Variants in TBCE observed in about 807,000 individuals in gnomAD.
TBCE encodes the protein tubulin folding cofactor E.
In TBCE, 53 loss-of-function variants were observed where a neutral mutation model predicts 77.0. The ratio of observed to expected loss-of-function variants is 0.69; its 90% CI spans 0.55 to 0.87. The LOEUF (loss-of-function observed/expected upper bound fraction) is 0.87, where lower values mean the gene tolerates loss of function less well. TBCE is among the 40% of genes least tolerant of loss of function. TBCE has a pLI of 0.00. For synonymous variants in TBCE, 235 were observed against 241.3 expected (o/e 0.97, Z 0.24); for missense variants, 624 against 622.4 (o/e 1.00, Z -0.03).
chr1:235,371,883 G>A (rs1244393024), intron 1 of TBCE, among the ~76,000 whole-genome samples: 1 of 151,922 alleles, frequency 6.6e-6, no homozygotes, highest in Non-Finnish European at 1.5e-5. Context: ...CATGTTGGCC[G>A]GGCTGGTCTC....
intron 2 of TBCE, among the ~76,000 whole-genome samples, chr1:235,382,450 A>G (rs1336138998): frequency 7.2e-5 from 11 of 152,056 alleles, no homozygotes; most frequent in South Asian, 2.1e-4. Flanking sequence ...AAGTGTTCCT[A>G]TTTCTCCACA....
intron 2 of TBCE, among the ~76,000 whole-genome samples, chr1:235,380,526 A>G (rs1375293954): frequency 6.6e-6 from 1 of 152,138 alleles, no homozygotes; most frequent in Non-Finnish European, 1.5e-5. Context: ...GGTATCTAAT[A>G]TAGTTTAAAC....
intron 3 of TBCE, among the ~76,000 whole-genome samples, chr1:235,404,106 A>G (rs772565680): frequency 6.6e-6 from 1 of 152,082 alleles, no homozygotes; most frequent in Non-Finnish European, 1.5e-5. Context: ...ATGAAACCCT[A>G]TCTCTACTAA....
chr1:235,450,375 G>C lies in TBCE; in HGVS notation c.*1613G>C, dbSNP rs1232271406. 1.2e-6 allele frequency: 2 copies of C among 1,609,480 alleles called. No individual in the cohort carries two copies. The highest frequency in any genetic ancestry group is 2.2e-5 in the South Asian group (2 of 90,946). ...AACAACCAAAGCCGATCTGAGAGTGGTGAAACTGTTTTAAGAGCATCAGAA... is the reference window on the plus strand; with the variant it reads ...AACAACCAAAGCCGATCTGAGAGTGCTGAAACTGTTTTAAGAGCATCAGAA... On this transcript the variant is annotated 3_prime_UTR_variant, in exon 17 of 17. Transcript: ENST00000642610.
At chr1:235,445,053 C>A (rs1682152401) in intron 15 of TBCE, among the ~76,000 whole-genome samples, 1 of 152,216 alleles carries the variant, frequency 6.6e-6, no homozygotes, top group Non-Finnish European at 1.5e-5. Context: ...TGCATTCATG[C>A]TGTTTTTATT....
At chr1:235,417,393 G>A (rs968494496) in intron 4 of TBCE, among the ~76,000 whole-genome samples, 1 of 152,188 alleles carries the variant, frequency 6.6e-6, no homozygotes, top group Non-Finnish European at 1.5e-5. Context: ...TGGCTTTTGG[G>A]CAATTGCCGC....
chr1:235,448,284 A>C, intron 15 of TBCE, 65 bp from the exon 16 acceptor site: 8 of 1,344,822 alleles, frequency 5.9e-6, no homozygotes, highest in Non-Finnish European at 8.5e-6. Context: ...GTCTCATCAC[A>C]TGAGCTAGTT....
At chr1:235,409,009 CTTTTT>C (rs10565716) in intron 3 of TBCE, among the ~76,000 whole-genome samples, 2 of 138,622 alleles carry the variant, frequency 1.4e-5, no homozygotes, top group Admixed American at 7.3e-5. Context: ...AACAGCCAAT[CTTTTT>C]TTTTTTTTTT....
rs1682900478 is a variant in TBCE, at chr1:235,451,517, T to A, written c.*2755T>A. On this transcript the variant is annotated 3_prime_UTR_variant, in exon 17 of 17. Coordinates refer to ENST00000642610, the MANE Select transcript of TBCE (RefSeq NM_003193.5). ...AGACCGCATCAGAAAACAAGCGCCATGAACAACAGTTGTAGAAACAACAAA... is the reference window on the plus strand; with the variant it reads ...AGACCGCATCAGAAAACAAGCGCCAAGAACAACAGTTGTAGAAACAACAAA... The A allele has an allele frequency of 7.3e-6, 1 of 137,538 alleles. No homozygotes were observed. The allele number at this position is 137,538 out of a possible 1,614,324, so 8.5% of individuals were successfully genotyped here.
intron 9 of TBCE, 28 bp downstream of exon 9, chr1:235,435,868 A>G (rs777758117): frequency 2.0e-5 from 32 of 1,577,618 alleles, no homozygotes; most frequent in Non-Finnish European, 2.6e-5. Context: ...GCCTGATACA[A>G]TAGTGTTCAG....
At chr1:235,431,655 C>T (rs1681095829) in intron 7 of TBCE, among the ~76,000 whole-genome samples, 1 of 151,816 alleles carries the variant, frequency 6.6e-6, no homozygotes, top group African/African-American at 2.4e-5. Context: ...GCCACCGTGC[C>T]CAGCCCACTT....
chr1:235,384,998 G>A (rs1677904258), intron 2 of TBCE, among the ~76,000 whole-genome samples: 2 of 152,076 alleles, frequency 1.3e-5, no homozygotes, highest in African/African-American at 4.8e-5. Flanking sequence ...TGTTGTCCCA[G>A]AGATTCTGGT....
At chr1:235,388,409 C>T (rs1184995409) in intron 2 of TBCE, among the ~76,000 whole-genome samples, 2 of 151,688 alleles carry the variant, frequency 1.3e-5, no homozygotes, top group Non-Finnish European at 2.9e-5. Flanking sequence ...CTGCCTCAGC[C>T]TCCCGAGTAG....
chr1:235,436,104 A>C, intron 9 of TBCE: 1 of 602,398 alleles, frequency 1.7e-6, no homozygotes, highest in South Asian at 2.0e-5. Flanking sequence ...GTCTTCATTC[A>C]TTAAACTCCG....
intron 1 of TBCE, among the ~76,000 whole-genome samples, chr1:235,376,955 C>T (rs768706905): frequency 6.6e-6 from 1 of 151,908 alleles, no homozygotes; most frequent in Non-Finnish European, 1.5e-5. Flanking sequence ...CAGAGTGAGA[C>T]TCCGTCTCAA....
At chr1:235,380,260 C>A in intron 2 of TBCE, 111 bp downstream of exon 2, 2 of 1,076,814 alleles carry the variant, frequency 1.9e-6, no homozygotes, top group South Asian at 1.3e-5. Context: ...CACTTTATAC[C>A]ACAAATTTTG....
At chr1:235,385,646 C>T (rs986663047) in intron 2 of TBCE, among the ~76,000 whole-genome samples, 5 of 151,890 alleles carry the variant, frequency 3.3e-5, no homozygotes, top group Non-Finnish European at 5.9e-5. Context: ...CAACCCCTGC[C>T]TTTTTTTGTT....
At chr1:235,415,113 A>G (rs1196112947) in intron 4 of TBCE, 3 of 187,840 alleles carry the variant, frequency 1.6e-5, no homozygotes, top group Non-Finnish European at 3.4e-5. Context: ...CTCAATCACA[A>G]TTTTGGGATA....
In TBCE at chr1:235,451,255, T is replaced by C. The variant is rs1259573201; in HGVS notation, c.*2493T>C. On this transcript the variant is annotated 3_prime_UTR_variant, in exon 17 of 17. Transcript: ENST00000642610. ...CCCCTCAGTGGGATGGAAAGGAGTC[T>C]CTCTCCCCTCAGTGCCTACCCACAG... 6.6e-6 allele frequency: 1 copy of C among 152,064 alleles called. No homozygotes were observed. Among genetic ancestry groups the C allele is most frequent in the Non-Finnish European group, 1.5e-5 (1 of 68,058 alleles). The allele number at this position is 152,064 out of a possible 1,614,324, so 9.4% of individuals were successfully genotyped here.
Sources: allele counts gnomAD v4.1 joint callset (sites outside exome capture counted in the v4.1 genomes callset), GRCh38; gene constraint gnomAD v4.1.1; transcripts MANE v1.5; gene names NCBI Gene and HGNC (gene_info 2026-07-23, HGNC 2026-07-21).